NCAM2: variants seen among roughly 807,000 people sequenced by gnomAD.
NCAM2 encodes the protein N-CAM-2.
Under a neutral mutation model 98.1 loss-of-function variants are expected in NCAM2, and 30 were observed. The ratio of observed to expected loss-of-function variants is 0.31; its 90% CI spans 0.23 to 0.41. The LOEUF is 0.41. NCAM2 is among the 10% of genes least tolerant of loss of function. NCAM2 has a pLI of 1.00. For missense variants in NCAM2, 867 were observed against 1,005.8 expected, an observed-to-expected ratio of 0.86 and a Z score of 1.87; for synonymous variants, 368 against 342.4, an observed-to-expected ratio of 1.07 and a Z score of -0.83.
At chr21:21,414,748 C>T (rs879789882) in intron 10 of NCAM2, among the ~76,000 whole-genome samples, 1 of 151,826 alleles carries the variant, frequency 6.6e-6, no homozygotes, top group Non-Finnish European at 1.5e-5. Context: ...GGATTACAGG[C>T]GTGAGCCACC....
At chr21:21,147,105 AC>A in intron 1 of NCAM2, 1 of 969,760 alleles carries the variant, frequency 1.0e-6, no homozygotes, top group Non-Finnish European at 1.2e-6. Flanking sequence ...CGGAACTCAT[AC>A]CCTTTGCCTT....
chr21:21,325,794 A>T (rs1175881909), intron 6 of NCAM2, among the ~76,000 whole-genome samples: 1 of 152,212 alleles, frequency 6.6e-6, no homozygotes, highest in Non-Finnish European at 1.5e-5. Flanking sequence ...AGATAAAGAA[A>T]GTAAAGCACA....
chr21:21,340,431 A>G (rs750571896), intron 8 of NCAM2, among the ~76,000 whole-genome samples: 12 of 151,932 alleles, frequency 7.9e-5, no homozygotes, highest in Non-Finnish European at 1.8e-4. Context: ...GGCCACCCCA[A>G]ACTACACACA....
rs577750337 is a variant in NCAM2, at chr21:21,343,483, A to T, written c.1044+4949A>T. On this transcript the variant is annotated intron_variant, in intron 8 of 17. Transcript: ENST00000400546. ...TGAAAGAGTCACTGAAGTGATAGAA[A>T]AAAATAGTCCTGAATAAACAACACC... Among the ~76,000 whole-genome samples the T allele has an allele frequency of 1.5e-3, 223 of 152,284 alleles. 2 individuals are homozygous for T. Among genetic ancestry groups the T allele is most frequent in the African/African-American group, 5.2e-3 (216 of 41,568 alleles).
At chr21:21,327,009 G>T (rs976941767) in intron 6 of NCAM2, among the ~76,000 whole-genome samples, 2 of 152,160 alleles carry the variant, frequency 1.3e-5, no homozygotes, top group African/African-American at 2.4e-5. Flanking sequence ...GAAGTCAGTT[G>T]TACTAGTCAG....
intron 1 of NCAM2, among the ~76,000 whole-genome samples, chr21:21,267,177 T>C (rs2072315158): frequency 1.3e-5 from 2 of 152,188 alleles, no homozygotes; most frequent in Non-Finnish European, 2.9e-5. Flanking sequence ...ATTATCATAC[T>C]AGTTAGACAT....
intron 1 of NCAM2, among the ~76,000 whole-genome samples, chr21:21,205,605 C>T (rs1251255415): frequency 6.6e-6 from 1 of 152,014 alleles, no homozygotes; most frequent in African/African-American, 2.4e-5. Flanking sequence ...ATATAGTTGA[C>T]TATTTAGAAG....
Position 21,146,032 on chromosome 21 carries a change from G to A in NCAM2, c.56-134546G>A, listed in dbSNP as rs1360229449. On this transcript the variant is annotated intron_variant, in intron 1 of 17. Transcript: ENST00000400546. ...GTTCTGCCTGGAAACTTTTGCAACA[G>A]AGAAACACGTTTTTTGACAGTTTTT... Among the ~76,000 whole-genome samples the A allele has an allele frequency of 3.3e-5, 5 of 152,246 alleles. No individual in the cohort carries two copies. The East Asian group carries it at 9.6e-4, about 29-fold the overall frequency.
intron 1 of NCAM2, among the ~76,000 whole-genome samples, chr21:21,194,231 GT>G (rs1242570004): frequency 7.9e-5 from 12 of 151,838 alleles, no homozygotes; most frequent in East Asian, 7.7e-4. Flanking sequence ...ATTAGTATAT[GT>G]TTTTTTCATT....
At chr21:21,109,916 T>C (rs1423583222) in intron 1 of NCAM2, among the ~76,000 whole-genome samples, 1 of 152,186 alleles carries the variant, frequency 6.6e-6, no homozygotes, top group Non-Finnish European at 1.5e-5. Flanking sequence ...TTTCTGTGTA[T>C]AATTCAAGCT....
intron 1 of NCAM2, among the ~76,000 whole-genome samples, chr21:21,020,600 C>T (rs550457315): frequency 9.8e-5 from 15 of 152,288 alleles, no homozygotes; most frequent in Admixed American, 9.8e-4. Context: ...CACCTCAGCT[C>T]CCACTGATCC....
intron 1 of NCAM2, among the ~76,000 whole-genome samples, chr21:21,269,954 T>C (rs73318668): frequency 0.011 from 1,746 of 152,276 alleles, 29 homozygotes; most frequent in African/African-American, 0.041. Context: ...TGATTTCTGA[T>C]TTGTCAGGTT....
Position 21,539,157 on chromosome 21 carries a change from T to A in NCAM2, c.*1200T>A, listed in dbSNP as rs1411843270. 3 of 152,172 alleles carry A rather than the reference T, an allele frequency of 2.0e-5. No individual in the cohort carries two copies. The highest frequency in any genetic ancestry group is 7.2e-5 in the African/African-American group (3 of 41,452). The allele number at this position is 152,172 out of a possible 1,614,324, so 9.4% of individuals were successfully genotyped here. ...ATTCCTTAAGTATTCAACACAAACTTTCTAATATCTTTTGTTAGGGTTATA... is the reference window on the plus strand; with the variant it reads ...ATTCCTTAAGTATTCAACACAAACTATCTAATATCTTTTGTTAGGGTTATA... On this transcript the variant is annotated 3_prime_UTR_variant, in exon 18 of 18. Transcript: ENST00000400546.
intron 1 of NCAM2, among the ~76,000 whole-genome samples, chr21:21,210,267 A>T (rs531523573): frequency 6.6e-6 from 1 of 152,362 alleles, no homozygotes; most frequent in Admixed American, 6.5e-5. Flanking sequence ...TAGGCAATAG[A>T]TTGAAAACAT....
chr21:21,439,439 A>C (rs1162362460), intron 12 of NCAM2, among the ~76,000 whole-genome samples: 3 of 152,162 alleles, frequency 2.0e-5, no homozygotes, highest in Non-Finnish European at 4.4e-5. Context: ...TTCAGGTTTA[A>C]TTTTAGCAAA....
intron 1 of NCAM2, among the ~76,000 whole-genome samples, chr21:21,122,035 T>G (rs2066686573): frequency 1.3e-5 from 2 of 152,224 alleles, no homozygotes; most frequent in Admixed American, 6.5e-5. Flanking sequence ...GGATTTGGAC[T>G]GCTGGTTTTA....
At chr21:21,376,790 G>A (rs2076042239) in intron 9 of NCAM2, among the ~76,000 whole-genome samples, 1 of 151,552 alleles carries the variant, frequency 6.6e-6, no homozygotes, top group South Asian at 2.1e-4. Context: ...ATTATTCCAA[G>A]GTAAATGTGC....
intron 1 of NCAM2, among the ~76,000 whole-genome samples, chr21:21,225,757 A>G (rs892637880): frequency 6.6e-6 from 1 of 152,114 alleles, no homozygotes; most frequent in South Asian, 2.1e-4. Context: ...ACAGCATGTA[A>G]TAATATTCCA....
At chr21:21,409,913 C>G (rs1490388556) in intron 9 of NCAM2, among the ~76,000 whole-genome samples, 5 of 151,942 alleles carry the variant, frequency 3.3e-5, no homozygotes, top group Non-Finnish European at 7.4e-5. Flanking sequence ...GATCGAGAAT[C>G]ACGAGGTCAG....
Sources: allele counts gnomAD v4.1 joint callset (sites outside exome capture counted in the v4.1 genomes callset), GRCh38; gene constraint gnomAD v4.1.1; transcripts MANE v1.5; gene names NCBI Gene and HGNC (gene_info 2026-07-23, HGNC 2026-07-21).